TTC6: variants seen among roughly 807,000 people sequenced by gnomAD.
TTC6 encodes the protein tetratricopeptide repeat domain 6.
A neutral mutation model predicts 210.4 loss-of-function variants in TTC6; 172 were observed. The observed-to-expected ratio is 0.82, with a 90% CI of 0.72 to 0.93. TTC6 has a LOEUF of 0.93. Ranked by LOEUF, TTC6 falls within the 40% of genes least tolerant of loss-of-function variation. TTC6 has a pLI of 0.00. For synonymous variants in TTC6, 804 were observed against 819.6 expected (o/e 0.98, Z 0.32); for missense variants, 2,414 against 2,318.1 (o/e 1.04, Z -0.85).
chr14:37,676,361 A>G (rs2095769484), intron 1 of TTC6, among the ~76,000 whole-genome samples: 1 of 152,076 alleles, frequency 6.6e-6, no homozygotes, highest in Non-Finnish European at 1.5e-5. Flanking sequence ...TGTTATTGCC[A>G]AAGAGTATTA....
chr14:37,807,251 T>C, intron 22 of TTC6, 69 bp from the exon 25 acceptor site: 4 of 1,347,552 alleles, frequency 3.0e-6, no homozygotes, highest in South Asian at 1.7e-5. Context: ...CCAAGTAGCA[T>C]ATATTTTGGT....
chr14:37,778,832 C>T (rs567941675), intron 14 of TTC6, among the ~76,000 whole-genome samples: 1 of 152,236 alleles, frequency 6.6e-6, no homozygotes, highest in East Asian at 1.9e-4. Flanking sequence ...CATGGGAGGG[C>T]ACTCAAGTTG....
chr14:37,626,290 A>G (rs907832195), intron 1 of TTC6, among the ~76,000 whole-genome samples: 6 of 152,320 alleles, frequency 3.9e-5, no homozygotes, highest in Middle Eastern at 6.8e-3. Flanking sequence ...CACTTTCCAG[A>G]TGTTAATTGG....
chr14:37,725,456 T>A (rs2095871217), intron 7 of TTC6, among the ~76,000 whole-genome samples: 1 of 150,610 alleles, frequency 6.6e-6, no homozygotes, highest in South Asian at 2.1e-4. Flanking sequence ...GTTCAAGCAA[T>A]TCTCCTGCCT....
chr14:37,722,712 C>T (rs1010385915), intron 6 of TTC6, among the ~76,000 whole-genome samples: 4 of 152,198 alleles, frequency 2.6e-5, no homozygotes, highest in Non-Finnish European at 4.4e-5. Context: ...GTGCCATTTT[C>T]ATCAGGTATC....
At chr14:37,731,804 CT>C (rs1225529659) in intron 7 of TTC6, among the ~76,000 whole-genome samples, 45 of 152,172 alleles carry the variant, frequency 3.0e-4, no homozygotes, top group African/African-American at 1.0e-3. Flanking sequence ...TTAGATGTGT[CT>C]TTTATAAACA....
At chr14:37,808,792 T>C in exon 24 of TTC6, 4 of 1,534,404 alleles carry the variant, frequency 2.6e-6, no homozygotes, top group South Asian at 2.5e-5. Context: ...AAAATAGTTA[T>C]ACAGCATTTT....
intron 20 of TTC6, among the ~76,000 whole-genome samples, chr14:37,797,269 A>G (rs1347518582): frequency 1.3e-5 from 2 of 152,032 alleles, no homozygotes; most frequent in Non-Finnish European, 2.9e-5. Context: ...GTACCAATTT[A>G]TTCTCCTACC....
Position 37,701,238 on chromosome 14 carries a change from T to C in TTC6, c.1377-94T>C, listed in dbSNP as rs867075804. On this transcript the variant is annotated intron_variant, in intron 4 of 30. Coordinates refer to ENST00000553443, the Ensembl canonical transcript of TTC6. ...CAGATCTCCTCCATTTATGTATGTC[T>C]TTAGAACCTGAACTAAATTGTCAGT... 34 of 883,202 alleles carry C rather than the reference T, an allele frequency of 3.8e-5. 1 individual carries two copies. In the Middle Eastern group the frequency reaches 2.1e-3, roughly 55 times the overall value. The allele number at this position is 883,202 out of a possible 1,614,324, so 54.7% of individuals were successfully genotyped here. A position where few individuals can be genotyped will look rare whatever the true frequency, so the allele number is the denominator to read the frequency against.
rs772334925 is a variant in TTC6 at position 37,817,579 on chromosome 14, AT to A, written c.4695del (p.Phe1565LeufsTer6). On this transcript the variant is annotated frameshift_variant and splice_region_variant, in exon 26 of 31. Coordinates refer to ENST00000553443, the Ensembl canonical transcript of TTC6. LOFTEE classifies it high-confidence loss of function. ...CAAAAGCTTATAACATTATTTCAGG[AT>A]TTTAAACAAGCTGCACTGATAAGCC... is the stretch of plus-strand genomic sequence containing the variant. 14 of 1,613,282 alleles carry A rather than the reference AT, an allele frequency of 8.7e-6. No individual in the cohort carries two copies. The South Asian group carries it at 1.2e-4, about 14-fold the overall frequency.
chr14:37,808,535 A>C (rs1174923834), intron 23 of TTC6, among the ~76,000 whole-genome samples, 198 bp from the exon 26 acceptor site: 3 of 152,238 alleles, frequency 2.0e-5, no homozygotes, highest in African/African-American at 7.2e-5. Context: ...AAGAGAAACT[A>C]TAATGATAAT....
intron 5 of TTC6, among the ~76,000 whole-genome samples, chr14:37,706,410 C>T (rs2138710336): frequency 6.6e-6 from 1 of 152,144 alleles, no homozygotes; most frequent in Admixed American, 6.6e-5. Context: ...ATTGGAGTGC[C>T]CAGGCTTACC....
chr14:37,638,181 C>A (rs957260728), intron 1 of TTC6, among the ~76,000 whole-genome samples: 2 of 152,158 alleles, frequency 1.3e-5, no homozygotes, highest in African/African-American at 2.4e-5. Context: ...GATAATTATG[C>A]TGAGGCAATA....
intron 1 of TTC6, among the ~76,000 whole-genome samples, chr14:37,633,420 C>T (rs941373692): frequency 4.6e-5 from 7 of 152,192 alleles, no homozygotes; most frequent in East Asian, 1.9e-4. Context: ...GGTGATGCCC[C>T]ACCCAGCTTC....
intron 1 of TTC6, among the ~76,000 whole-genome samples, chr14:37,606,409 G>A (rs921809698): frequency 1.3e-5 from 2 of 152,098 alleles, no homozygotes; most frequent in Admixed American, 1.3e-4. Context: ...AGAGTGTTAG[G>A]AGTACTTAGG....
At chr14:37,749,134 G>A (rs1286827020) in exon 11 of TTC6, 12 of 1,535,404 alleles carry the variant, frequency 7.8e-6, no homozygotes, top group East Asian at 2.4e-5. Context: ...ACAAAGATGC[G>A]AGCATACCTG....
At chr14:37,613,695 G>T (rs1275157429) in intron 2 of TTC6, among the ~76,000 whole-genome samples, 2 of 151,934 alleles carry the variant, frequency 1.3e-5, no homozygotes, top group Non-Finnish European at 2.9e-5. Context: ...GTTAATTTTG[G>T]TAAGTTGTAG....
rs191348873 is a variant in TTC6 at position 37,714,998 on chromosome 14, C to T, written c.1713+202C>T. On this transcript the variant is annotated intron_variant, in intron 6 of 30. Coordinates refer to ENST00000553443, the Ensembl canonical transcript of TTC6. ...TTTGAGACCAGTCTGGCCAACATAA[C>T]GAGACCTCGTATCTAAAAATAATAA... Among the ~76,000 whole-genome samples, 10 of 152,102 alleles carry T rather than the reference C, an allele frequency of 6.6e-5. No individual in the cohort carries two copies. In the East Asian group the frequency reaches 1.7e-3, roughly 27 times the overall value.
intron 1 of TTC6, among the ~76,000 whole-genome samples, chr14:37,599,186 G>C (rs2095610532): frequency 6.6e-6 from 1 of 152,224 alleles, no homozygotes; most frequent in Non-Finnish European, 1.5e-5. Context: ...TCCCCCGCGA[G>C]AGAGAAGTAT....
Sources: allele counts gnomAD v4.1 joint callset (sites outside exome capture counted in the v4.1 genomes callset), GRCh38; gene constraint gnomAD v4.1.1; transcripts MANE v1.5; gene names NCBI Gene and HGNC (gene_info 2026-07-23, HGNC 2026-07-21).